Variants in CCBE1 observed in about 807,000 individuals in gnomAD.
CCBE1 encodes the protein collagen and calcium-binding EGF domain-containing protein 1.
Under a neutral mutation model 50.0 loss-of-function variants are expected in CCBE1, and 37 were observed. That is an observed-to-expected ratio of 0.74 (90% CI 0.57 to 0.97). The LOEUF (loss-of-function observed/expected upper bound fraction) is 0.97, where lower values mean the gene tolerates loss of function less well. CCBE1 is among the 50% of genes least tolerant of loss of function. The pLI, the probability that CCBE1 is intolerant of heterozygous loss-of-function variation, is 0.00. For missense variants in CCBE1, 538 were observed against 523.8 expected, an observed-to-expected ratio of 1.03 and a Z score of -0.26; for synonymous variants, 234 against 203.7, an observed-to-expected ratio of 1.15 and a Z score of -1.27.
chr18:59,508,191 G>A (rs1397646333), intron 2 of CCBE1, among the ~76,000 whole-genome samples: 1 of 150,480 alleles, frequency 6.6e-6, no homozygotes, highest in Non-Finnish European at 1.5e-5. Flanking sequence ...GCGCCCCGCC[G>A]TTAATTAGTA....
intron 2 of CCBE1, among the ~76,000 whole-genome samples, chr18:59,654,465 AAC>A (rs1468563379): frequency 6.6e-6 from 1 of 151,902 alleles, no homozygotes; most frequent in African/African-American, 2.4e-5. Flanking sequence ...GTCTACTAAA[AAC>A]ACAAATATTA....
chr18:59,461,972 G>T (rs148957759), intron 5 of CCBE1, among the ~76,000 whole-genome samples: 3 of 151,952 alleles, frequency 2.0e-5, no homozygotes, highest in Non-Finnish European at 4.4e-5. Flanking sequence ...GACCTCAGGC[G>T]TTCCTACCGC....
intron 2 of CCBE1, among the ~76,000 whole-genome samples, chr18:59,483,924 A>G (rs1912694606): frequency 6.6e-6 from 1 of 152,226 alleles, no homozygotes; most frequent in Non-Finnish European, 1.5e-5. Context: ...GAAATCATCC[A>G]TCCAATTTAC....
chr18:59,475,023 C>A (rs981030325), intron 3 of CCBE1, among the ~76,000 whole-genome samples: 2 of 152,156 alleles, frequency 1.3e-5, no homozygotes, highest in African/African-American at 2.4e-5. Flanking sequence ...CCTGCCCTGC[C>A]CATTTTGTGC....
At chr18:59,560,530 G>A (rs1334008705) in intron 2 of CCBE1, among the ~76,000 whole-genome samples, 1 of 152,098 alleles carries the variant, frequency 6.6e-6, no homozygotes, top group African/African-American at 2.4e-5. Context: ...GATGGGTTGA[G>A]GGGTGCAGCA....
At chr18:59,603,603 GTGT>G (rs1295401047) in intron 2 of CCBE1, among the ~76,000 whole-genome samples, 2 of 152,120 alleles carry the variant, frequency 1.3e-5, no homozygotes, top group African/African-American at 2.4e-5. Context: ...ATATGTTCCT[GTGT>G]TGTTATTAAA....
At chr18:59,489,662 C>G (rs1478987381) in intron 2 of CCBE1, among the ~76,000 whole-genome samples, 1 of 152,118 alleles carries the variant, frequency 6.6e-6, no homozygotes, top group Middle Eastern at 3.2e-3. Flanking sequence ...ATCTGTATGC[C>G]TTGGCTTCCC....
chr18:59,570,504 G>A (rs967003836), intron 2 of CCBE1, among the ~76,000 whole-genome samples: 4 of 152,220 alleles, frequency 2.6e-5, no homozygotes, highest in Non-Finnish European at 1.5e-5. Context: ...TCTGGATTCT[G>A]CGAGACTTTG....
chr18:59,627,771 A>G (rs1279996295), intron 2 of CCBE1, among the ~76,000 whole-genome samples: 2 of 152,164 alleles, frequency 1.3e-5, no homozygotes, highest in Non-Finnish European at 2.9e-5. Flanking sequence ...TTGGCCCCAC[A>G]GACACCTTGA....
chr18:59,601,100 C>T (rs940673079), intron 2 of CCBE1, among the ~76,000 whole-genome samples: 6 of 133,702 alleles, frequency 4.5e-5, no homozygotes, highest in Non-Finnish European at 6.2e-5. Flanking sequence ...GGTGCAATCT[C>T]GGCTCACTGC....
chr18:59,493,561 AG>A (rs1913210719), intron 2 of CCBE1, among the ~76,000 whole-genome samples: 2 of 151,708 alleles, frequency 1.3e-5, no homozygotes, highest in Non-Finnish European at 1.5e-5. Flanking sequence ...TTTTTTTAAC[AG>A]GTGAGAAGCT....
chr18:59,650,281 G>A (rs1222139868), intron 2 of CCBE1, among the ~76,000 whole-genome samples: 1 of 151,168 alleles, frequency 6.6e-6, no homozygotes, highest in East Asian at 2.0e-4. Context: ...ACAAAGTCAG[G>A]TGAGATGGGA....
At chr18:59,543,924 T>C (rs1915583959) in intron 2 of CCBE1, among the ~76,000 whole-genome samples, 1 of 152,052 alleles carries the variant, frequency 6.6e-6, no homozygotes, top group African/African-American at 2.4e-5. Flanking sequence ...GGATTCTGTT[T>C]GTGTTTAAAC....
intron 2 of CCBE1, among the ~76,000 whole-genome samples, chr18:59,564,451 AT>A (rs1396009235): frequency 6.6e-6 from 1 of 152,238 alleles, no homozygotes; most frequent in Non-Finnish European, 1.5e-5. Flanking sequence ...GCTGCATATT[AT>A]TTCATCATAT....
intron 2 of CCBE1, among the ~76,000 whole-genome samples, chr18:59,559,298 C>G (rs79075249): frequency 1.3e-5 from 2 of 152,174 alleles, no homozygotes; most frequent in African/African-American, 4.8e-5. Context: ...CCCTGCAGGA[C>G]GCAGCACAGG....
rs28540472 is a variant in CCBE1, at chr18:59,696,547, C to T, written c.212+82G>A. ...AGCTGCTCCGGTCCCAAGCGCGTCT[C>T]CAAACCCCTCCTTTACAGCGCCGCC... On this transcript the variant is annotated intron_variant, in intron 2 of 10. Transcript: ENST00000439986. The T allele has an allele frequency of 2.4e-3, 3,785 of 1,600,924 alleles. 92 individuals carry two copies. The African/African-American group carries it at 0.045, about 19-fold the overall frequency.
chr18:59,525,650 T>C (rs767063464), intron 2 of CCBE1, among the ~76,000 whole-genome samples: 90 of 152,260 alleles, frequency 5.9e-4, no homozygotes, highest in Non-Finnish European at 1.1e-3. Context: ...GACATTTTTG[T>C]CATGAAATAT....
At chr18:59,502,467 A>ATGGTG (rs1344191643) in intron 2 of CCBE1, among the ~76,000 whole-genome samples, 259 of 109,704 alleles carry the variant, frequency 2.4e-3, no homozygotes, top group African/African-American at 8.4e-3. Flanking sequence ...AGGAACAGGT[A>ATGGTG]TCCATTATCT....
chr18:59,566,288 TG>T (rs1486035055), intron 2 of CCBE1, among the ~76,000 whole-genome samples: 1 of 152,208 alleles, frequency 6.6e-6, no homozygotes, highest in Non-Finnish European at 1.5e-5. Flanking sequence ...ATAAAGTCCC[TG>T]GGTCAGTCAC....
Sources: gnomAD v4.1 joint callset for allele counts (sites outside exome capture counted in the v4.1 genomes callset) on GRCh38, gnomAD v4.1.1 for gene constraint, MANE v1.5 for transcripts, NCBI Gene and HGNC (gene_info 2026-07-23, HGNC 2026-07-21) for gene names.